The following DIAPH3 variants were observed in gnomAD, a reference collection of about 807,000 sequenced individuals.
DIAPH3 encodes the protein protein diaphanous homolog 3.
DIAPH3 carries 117 observed loss-of-function variants against 144.3 expected under a neutral mutation model. That is an observed-to-expected ratio of 0.81 (90% CI 0.70 to 0.95). The LOEUF is 0.95. DIAPH3 is among the 40% of genes least tolerant of loss of function. The pLI, the probability that DIAPH3 is intolerant of heterozygous loss-of-function variation, is 0.00. For synonymous variants in DIAPH3, 519 were observed against 488.9 expected (o/e 1.06, Z -0.81); for missense variants, 1,421 against 1,412.7 (o/e 1.01, Z -0.09).
intron 27 of DIAPH3, among the ~76,000 whole-genome samples, chr13:59,744,189 C>T (rs1351387731): frequency 1.3e-5 from 2 of 152,178 alleles, no homozygotes; most frequent in African/African-American, 2.4e-5. Flanking sequence ...TAAAACCCCA[C>T]ATTTTAATGA....
At chr13:60,060,777 GCTC>G (rs2056739483) in intron 4 of DIAPH3, among the ~76,000 whole-genome samples, 1 of 151,864 alleles carries the variant, frequency 6.6e-6, no homozygotes, top group South Asian at 2.1e-4. Flanking sequence ...CAACTACCAT[GCTC>G]CTAAGAAAAT....
chr13:59,810,557 G>T (rs945021751), intron 25 of DIAPH3, among the ~76,000 whole-genome samples: 1 of 152,130 alleles, frequency 6.6e-6, no homozygotes, highest in Admixed American at 6.6e-5. Flanking sequence ...AACGAAAACA[G>T]CATAACAGAG....
At chr13:59,732,259 T>A (rs1017490489) in intron 27 of DIAPH3, among the ~76,000 whole-genome samples, 3 of 151,572 alleles carry the variant, frequency 2.0e-5, no homozygotes, top group African/African-American at 7.3e-5. Context: ...TGAGTCTATC[T>A]ATATTCTTCT....
intron 20 of DIAPH3, among the ~76,000 whole-genome samples, chr13:59,897,428 A>C (rs2046170229): frequency 6.6e-6 from 1 of 152,228 alleles, no homozygotes; most frequent in Non-Finnish European, 1.5e-5. Context: ...GAAAATTCTT[A>C]ATGTAAAGTG....
intron 19 of DIAPH3, among the ~76,000 whole-genome samples, chr13:59,915,597 T>C (rs916199410): frequency 2.6e-5 from 4 of 152,056 alleles, no homozygotes; most frequent in African/African-American, 7.2e-5. Flanking sequence ...AACTCAGCAA[T>C]AACTTCGACA....
intron 27 of DIAPH3, among the ~76,000 whole-genome samples, chr13:59,730,162 A>G (rs561795516): frequency 3.1e-4 from 47 of 152,332 alleles, no homozygotes; most frequent in African/African-American, 1.1e-3. Flanking sequence ...TCTATGAGAA[A>G]TAGCAAAACT....
chr13:60,020,153 G>A (rs894047028), intron 5 of DIAPH3, among the ~76,000 whole-genome samples: 3 of 152,060 alleles, frequency 2.0e-5, no homozygotes, highest in Non-Finnish European at 4.4e-5. Context: ...AATCATTTTA[G>A]AATGAAACTA....
chr13:59,713,126 T>C (rs902853169), intron 27 of DIAPH3, among the ~76,000 whole-genome samples: 1 of 152,158 alleles, frequency 6.6e-6, no homozygotes, highest in Non-Finnish European at 1.5e-5. Flanking sequence ...AGTACCTATC[T>C]GTGGCCTGGG....
chr13:59,828,563 G>A (rs1006898351), intron 24 of DIAPH3, among the ~76,000 whole-genome samples: 1 of 148,132 alleles, frequency 6.8e-6, no homozygotes, highest in Non-Finnish European at 1.5e-5. Context: ...TACCAACTCT[G>A]AAGCTTCTCT....
At chr13:60,104,676 A>G (rs150713713) in intron 3 of DIAPH3, among the ~76,000 whole-genome samples, 1 of 152,258 alleles carries the variant, frequency 6.6e-6, no homozygotes, top group African/African-American at 2.4e-5. Flanking sequence ...AGAGAGCTGA[A>G]TATTCAGAAA....
intron 2 of DIAPH3, among the ~76,000 whole-genome samples, chr13:60,131,457 A>AAAAC: frequency 2.0e-5 from 3 of 151,012 alleles, no homozygotes; most frequent in African/African-American, 7.3e-5. Context: ...AAAAAAAAAA[A>AAAAC]AAACAAATGA....
At chr13:59,736,308 T>C (rs2036151374) in intron 27 of DIAPH3, among the ~76,000 whole-genome samples, 1 of 152,234 alleles carries the variant, frequency 6.6e-6, no homozygotes, top group South Asian at 2.1e-4. Flanking sequence ...ATATACCCAG[T>C]AATGGGATTG....
intron 2 of DIAPH3, 101 bp from the exon 3 acceptor site, chr13:60,112,287 A>T: frequency 7.3e-7 from 1 of 1,371,976 alleles, no homozygotes; most frequent in Non-Finnish European, 1.0e-6. Flanking sequence ...TCGTGTTATC[A>T]TTGTGATTTC....
chr13:59,670,444 T>C (rs182760355), intron 27 of DIAPH3, among the ~76,000 whole-genome samples: 201 of 152,254 alleles, frequency 1.3e-3, no homozygotes, highest in African/African-American at 4.6e-3. Flanking sequence ...TCTCCAGACA[T>C]GGGAGACCAA....
At chr13:60,157,666 C>G (rs1952095376) in intron 1 of DIAPH3, among the ~76,000 whole-genome samples, 1 of 152,220 alleles carries the variant, frequency 6.6e-6, no homozygotes, top group Non-Finnish European at 1.5e-5. Flanking sequence ...TACCTTTGCA[C>G]TGTATCCTGA....
chr13:59,847,465 T>C (rs908056213), intron 22 of DIAPH3, among the ~76,000 whole-genome samples: 4 of 152,162 alleles, frequency 2.6e-5, no homozygotes, highest in Admixed American at 1.3e-4. Flanking sequence ...AAAGAGGGTA[T>C]TAAAGGCGGC....
At chr13:59,785,461 CCT>C (rs1304607670) in intron 25 of DIAPH3, among the ~76,000 whole-genome samples, 1 of 152,098 alleles carries the variant, frequency 6.6e-6, no homozygotes, top group Non-Finnish European at 1.5e-5. Flanking sequence ...AAAGACCACC[CCT>C]GTCTCCTTGT....
chr13:59,891,687 C>G (rs1241257935), intron 20 of DIAPH3, among the ~76,000 whole-genome samples: 3 of 151,948 alleles, frequency 2.0e-5, no homozygotes, highest in Non-Finnish European at 4.4e-5. Context: ...ATTGCAGAAG[C>G]ATTTAAACAG....
At chr13:59,968,906 A>G (rs1002128696) in intron 17 of DIAPH3, among the ~76,000 whole-genome samples, 3 of 152,150 alleles carry the variant, frequency 2.0e-5, no homozygotes, top group Admixed American at 1.3e-4. Flanking sequence ...AACCCTCTAC[A>G]CAAAGGTCTC....
Sources: allele counts gnomAD v4.1 joint callset (sites outside exome capture counted in the v4.1 genomes callset), GRCh38; gene constraint gnomAD v4.1.1; transcripts MANE v1.5; gene names NCBI Gene and HGNC (gene_info 2026-07-23, HGNC 2026-07-21).